MYO1C: variants seen among roughly 807,000 people sequenced by gnomAD.
MYO1C encodes the protein unconventional myosin-Ic.
Under a neutral mutation model 150.8 loss-of-function variants are expected in MYO1C, and 104 were observed. The ratio of observed to expected loss-of-function variants is 0.69; its 90% confidence interval spans 0.59 to 0.81. The LOEUF (loss-of-function observed/expected upper bound fraction) is 0.81, where lower values mean the gene tolerates loss of function less well. Ranked by LOEUF, MYO1C falls within the 30% of genes least tolerant of loss-of-function variation. The pLI, the probability that MYO1C is intolerant of heterozygous loss-of-function variation, is 0.00. For synonymous variants in MYO1C, 663 were observed against 579.9 expected, an observed-to-expected ratio of 1.14 and a Z score of -2.06; for missense variants, 1,504 against 1,435.0, an observed-to-expected ratio of 1.05 and a Z score of -0.78.
In MYO1C at chr17:1,478,559, C is replaced by G; in HGVS notation, c.1212+57G>C. On this transcript the variant is annotated intron_variant, in intron 10 of 31. Transcript: ENST00000648651. This position sits in a 1 kb window ranked among gnomAD's most constrained non-coding sequence, Gnocchi z 6.3. ...TGCCAGCCCCACCCTGCAGCACCCCCCGCCTCGCCGACGGCCCTCCCTTCT... is the reference window on the plus strand; with the variant it reads ...TGCCAGCCCCACCCTGCAGCACCCCGCGCCTCGCCGACGGCCCTCCCTTCT... The G allele has an allele frequency of 6.2e-7, 1 of 1,613,840 alleles. No individual in the cohort carries two copies. The highest frequency in any genetic ancestry group is 8.5e-7 in the Non-Finnish European group (1 of 1,179,916).
rs1567513433 is a variant in MYO1C, at chr17:1,467,881, G to GC, written c.2925_2926insG (p.Leu976AlafsTer12). The GC allele has an allele frequency of 6.2e-7, 1 of 1,602,914 alleles. No individual in the cohort carries two copies. Among genetic ancestry groups the GC allele is most frequent in the South Asian group, 1.1e-5 (1 of 90,680 alleles). On this transcript the variant is annotated frameshift_variant, in exon 29 of 32. Transcript: ENST00000648651. LOFTEE classifies it high-confidence loss of function. ...GCACGCTGTACATGAAGCACAAAAA[G>GC]ACTGTCGCTCAGGCTGCTGACAGAG...
intron 2 of MYO1C, 25 bp from the exon 3 acceptor site, chr17:1,483,750 A>G (rs769408429): frequency 6.4e-7 from 1 of 1,566,224 alleles, no homozygotes; most frequent in Non-Finnish European, 8.7e-7. Context: ...AGAGGGTCCA[A>G]AGTTTATCCC....
intron 23 of MYO1C, 34 bp from the exon 24 acceptor site, chr17:1,470,368 G>A (rs2150935926): frequency 6.5e-7 from 1 of 1,537,090 alleles, no homozygotes; most frequent in South Asian, 1.2e-5. Flanking sequence ...TTGGGGGTGA[G>A]GGGCCTGGCG....
At position 1,479,728 on chromosome 17, in the gene MYO1C, G is replaced by C. The variant is rs1225906463; in HGVS notation, c.907-23C>G. 1 of 1,578,448 alleles carries C rather than the reference G, an allele frequency of 6.3e-7. No homozygotes were observed. The highest frequency in any genetic ancestry group is 2.3e-5 in the East Asian group (1 of 43,878). ...GTCCTGGGGGAGCAGGCCGGGGGCA[G>C]GAGGGGGTGAGAGGGGCCAGAGAGC... On this transcript the variant is annotated intron_variant, in intron 7 of 31. Coordinates refer to ENST00000648651, the MANE Select transcript of MYO1C (RefSeq NM_001080779.2). The surrounding 1 kb of genome is among the most constrained non-coding windows in gnomAD (Gnocchi z 4.2).
At chr17:1,486,164 T>A (rs1043936595) in intron 1 of MYO1C, 4 of 151,424 alleles carry the variant, frequency 2.6e-5, no homozygotes, top group African/African-American at 7.3e-5. Context: ...CGAACTCGAG[T>A]CCCGGGAAAG....
At position 1,478,665 on chromosome 17, in the gene MYO1C, C is replaced by T. The variant is rs773525819; in HGVS notation, c.1163G>A (p.Arg388His). The change falls in exon 10 of 32, where the codon CGC (arginine) becomes CAC (histidine). Residue 388 changes from arginine to histidine, a missense_variant. By Grantham distance (29) the Arg-to-His change is conservative. Transcript: ENST00000648651. The surrounding 1 kb of genome is among the most constrained non-coding windows in gnomAD (Gnocchi z 6.3). ...CTTCCCGACGAGCCAGGTAAAAGTG[C>T]GGCTGTACACAGCCTTGGCGAGGGC... Reference protein sequence around the residue: ...RDALAKAVYSRTFTWLVGKIN... With the variant: ...RDALAKAVYSHTFTWLVGKIN... 18 of 1,614,046 alleles carry T rather than the reference C, an allele frequency of 1.1e-5. No individual in the cohort carries two copies. The highest frequency in any genetic ancestry group is 1.6e-4 in the Middle Eastern group (1 of 6,084).
rs755386088 is a variant in MYO1C at position 1,478,628 on chromosome 17, C to T, written c.1200G>A (p.Ser400=). The T allele has an allele frequency of 5.0e-6, 8 of 1,614,108 alleles. No homozygotes were observed. The highest frequency in any genetic ancestry group is 2.2e-5 in the East Asian group (1 of 44,878). ...ACCGAGCCCTCACCTTGGAGGCCAG[C>T]GACCTGTTGATCTTCCCGACGAGCC... ...FTWLVGKINR[S]LASKDVESPS... The change falls in exon 10 of 32, where the codon TCG becomes TCA. Residue 400 remains serine (S), a synonymous_variant. Coordinates refer to ENST00000648651, the MANE Select transcript of MYO1C (RefSeq NM_001080779.2). The surrounding 1 kb of genome is among the most constrained non-coding windows in gnomAD (Gnocchi z 6.3).
At chr17:1,470,931 G>T in intron 21 of MYO1C, 140 bp downstream of exon 21, 1 of 1,055,536 alleles carries the variant, frequency 9.5e-7, no homozygotes, top group Non-Finnish European at 1.4e-6. Flanking sequence ...GGACTCTCTG[G>T]AGAAGGACTC....
In MYO1C at chr17:1,465,728, A is replaced by C; in HGVS notation, c.3190T>G (p.Ter1064GlyextTer1). Residue 1064 changes from the stop codon to glycine (G), a stop_lost, in exon 32 of 32, where the codon TGA (stop) becomes GGA (glycine). Transcript: ENST00000648651. ...AVVAPRLNSR[*>G] ...GGAGGGTCCAGTGGGCGCCTTTATCACCGAGAATTCAGCCGTGGGGCGACC... is the reference window on the plus strand; with the variant it reads ...GGAGGGTCCAGTGGGCGCCTTTATCCCCGAGAATTCAGCCGTGGGGCGACC... 1 of 1,325,042 alleles carries C rather than the reference A, an allele frequency of 7.5e-7. No homozygotes were observed. 82.1% of individuals were successfully genotyped at this position (1,325,042 alleles called of 1,614,324 possible).
rs562419976 is a variant in MYO1C, at chr17:1,481,031, C to T, written c.628-146G>A. ...GCCACTAGCTGCGTCGGCTCAGGCACGCCACCCACGCTGGACTCAGTTACT... is the reference window on the plus strand; with the variant it reads ...GCCACTAGCTGCGTCGGCTCAGGCATGCCACCCACGCTGGACTCAGTTACT... On this transcript the variant is annotated intron_variant, in intron 5 of 31. Coordinates refer to ENST00000648651, the MANE Select transcript of MYO1C (RefSeq NM_001080779.2). 86 of 759,280 alleles carry T rather than the reference C, an allele frequency of 1.1e-4. 2 individuals are homozygous for T. Among genetic ancestry groups the T allele is most frequent in the Admixed American group, 1.5e-4 (6 of 40,376 alleles). 47.0% of individuals were successfully genotyped at this position (759,280 alleles called of 1,614,324 possible). A position where few individuals can be genotyped will look rare whatever the true frequency, so the allele number is the denominator to read the frequency against.
rs766151617 is a variant in MYO1C at position 1,479,732 on chromosome 17, G to T, written c.907-27C>A. On this transcript the variant is annotated intron_variant, in intron 7 of 31. Coordinates refer to ENST00000648651, the MANE Select transcript of MYO1C (RefSeq NM_001080779.2). This position sits in a 1 kb window ranked among gnomAD's most constrained non-coding sequence, Gnocchi z 4.2. ...TGGGGGAGCAGGCCGGGGGCAGGAG[G>T]GGGTGAGAGGGGCCAGAGAGCCCCA... 3.2e-6 allele frequency: 5 copies of T among 1,548,454 alleles called. 1 individual carries two copies. The highest frequency in any genetic ancestry group is 2.3e-5 in the South Asian group (2 of 86,278).
intron 19 of MYO1C, among the ~76,000 whole-genome samples, 155 bp downstream of exon 19, chr17:1,471,752 G>C (rs574668823): frequency 4.7e-4 from 72 of 152,196 alleles, no homozygotes; most frequent in African/African-American, 1.7e-3. Context: ...CTGATGTCAG[G>C]ACCGCAGCAC....
chr17:1,486,628 G>A (rs1264521364), intron 1 of MYO1C, among the ~76,000 whole-genome samples: 2 of 151,730 alleles, frequency 1.3e-5, no homozygotes, highest in African/African-American at 2.4e-5. Context: ...CGATTTTCCT[G>A]TCTCAGCCTC....
intron 1 of MYO1C, among the ~76,000 whole-genome samples, chr17:1,490,053 AAG>A (rs1555523974): frequency 2.0e-5 from 3 of 151,260 alleles, no homozygotes; most frequent in African/African-American, 4.9e-5. Context: ...AAAAAAAAAA[AAG>A]AGGGCCTTTG....
In MYO1C at chr17:1,470,190, T is replaced by C; in HGVS notation, c.2511A>G (p.Pro837=). ...NVLDTSWPTP[P]PALREASELL... Reference sequence around the variant, plus strand: ...GCCCACAGACCTCACGCAGGGCAGGTGGGGGCGTGGGCCACGAGGTGTCCA... The same window carrying C: ...GCCCACAGACCTCACGCAGGGCAGGCGGGGGCGTGGGCCACGAGGTGTCCA... Residue 837 remains proline, a synonymous_variant, in exon 24 of 32, where the codon CCA becomes CCG. Transcript: ENST00000648651. 1 of 1,610,636 alleles carries C rather than the reference T, an allele frequency of 6.2e-7. No individual in the cohort carries two copies. The highest frequency in any genetic ancestry group is 8.5e-7 in the Non-Finnish European group (1 of 1,179,174).
rs765357187 is a variant in MYO1C, at chr17:1,484,209, A to C, written c.170T>G (p.Phe57Cys). 1.9e-6 allele frequency: 3 copies of C among 1,612,972 alleles called. No individual in the cohort carries two copies. Among genetic ancestry groups the C allele is most frequent in the Non-Finnish European group, 2.5e-6 (3 of 1,180,002 alleles). The change falls in exon 2 of 32, where the codon TTC (phenylalanine) becomes TGC (cysteine). Residue 57 changes from phenylalanine to cysteine, a missense_variant. Physicochemically the swap from Phe to Cys is radical, Grantham distance 205. Coordinates refer to ENST00000648651, the MANE Select transcript of MYO1C (RefSeq NM_001080779.2). The stretch of plus-strand genomic sequence containing the variant: ...CTCGATGAAGGCGGCCTCGCTGGTG[A>C]AGTTCTCCAGCAGCACGAAATCCTG... ...GVQDFVLLEN[F>C]TSEAAFIENL...
In MYO1C at chr17:1,468,005, T is replaced by A; in HGVS notation, c.2879A>T (p.Asp960Val). 1 of 1,612,504 alleles carries A rather than the reference T, an allele frequency of 6.2e-7. No individual in the cohort carries two copies. The highest frequency in any genetic ancestry group is 2.2e-5 in the East Asian group (1 of 44,746). The change falls in exon 28 of 32, where the codon GAT (aspartate) becomes GTT (valine). Residue 960 changes from aspartate (D) to valine (V), a missense_variant. By Grantham distance (152) the Asp-to-Val change is radical. Transcript: ENST00000648651. ...TGGCTGACCGGTCAGGTTGGCGTAATCAATCCTCTGCTTGACTTTGGCGTC... is the reference window on the plus strand; with the variant it reads ...TGGCTGACCGGTCAGGTTGGCGTAAACAATCCTCTGCTTGACTTTGGCGTC... ...VEDAKVKQRI[D>V]YANLTGISVS...
chr17:1,482,159 G>A (rs990387268), intron 5 of MYO1C, among the ~76,000 whole-genome samples: 9 of 152,222 alleles, frequency 5.9e-5, no homozygotes, highest in East Asian at 3.9e-4. Flanking sequence ...TGATCCTCCT[G>A]CCTCAGCCTC....
intron 29 of MYO1C, 55 bp from the exon 30 acceptor site, chr17:1,467,632 C>T: frequency 6.5e-7 from 1 of 1,535,142 alleles, no homozygotes; most frequent in Non-Finnish European, 8.9e-7. Flanking sequence ...TGAGGAACCC[C>T]CGCCCCACCT....
Sources: gnomAD v4.1 joint callset for allele counts (sites outside exome capture counted in the v4.1 genomes callset) on GRCh38, gnomAD v4.1.1 for gene constraint, Gnocchi (gnomAD v3.1) non-coding constraint, MANE v1.5 for transcripts, NCBI Gene and HGNC (gene_info 2026-07-23, HGNC 2026-07-21) for gene names.